The following USHBP1 variants were observed in gnomAD, a reference collection of about 807,000 sequenced individuals.
USHBP1 encodes the protein harmonin-binding protein USHBP1.
USHBP1 carries 67 observed loss-of-function variants against 76.2 expected under a neutral mutation model. The ratio of observed to expected loss-of-function variants is 0.88; its 90% CI spans 0.72 to 1.08. The LOEUF (loss-of-function observed/expected upper bound fraction) is 1.08, where lower values mean the gene tolerates loss of function less well. USHBP1 is among the 50% of genes least tolerant of loss of function. The pLI, the probability that USHBP1 is intolerant of heterozygous loss-of-function variation, is 0.00. For missense variants in USHBP1, 931 were observed against 915.0 expected, an observed-to-expected ratio of 1.02 and a Z score of -0.23; for synonymous variants, 322 against 362.2, an observed-to-expected ratio of 0.89 and a Z score of 1.26.
chr19:17,258,147 GCCCCATC>G (rs2073642995), intron 8 of USHBP1, 58 bp downstream of exon 8: 1 of 1,602,490 alleles, frequency 6.2e-7, no homozygotes, highest in Admixed American at 1.7e-5. Context: ...AGCTCTGGGA[GCCCCATC>G]CCCCAGTCAA....
In USHBP1 at chr19:17,264,021, C is replaced by T; in HGVS notation, c.184G>A (p.Gly62Ser). The change falls in exon 3 of 13, where the codon GGC becomes AGC. Residue 62 changes from glycine (G) to serine (S), a missense_variant. Physicochemically the swap from Gly to Ser is moderately conservative, Grantham distance 56. Transcript: ENST00000252597. ...TCTTACCTGCTTCCTAGGCCTTGGCCACTGACCTCCTCCATGGGGCCCAGC... is the reference window on the plus strand; with the variant it reads ...TCTTACCTGCTTCCTAGGCCTTGGCTACTGACCTCCTCCATGGGGCCCAGC... Reference protein sequence around the residue: ...EQLGPMEEVSGQGLGSRTDKK... With the variant: ...EQLGPMEEVSSQGLGSRTDKK... 1 of 1,602,454 alleles carries T rather than the reference C, an allele frequency of 6.2e-7. No homozygotes were observed. The highest frequency in any genetic ancestry group is 1.1e-5 in the South Asian group (1 of 89,406).
Position 17,251,956 on chromosome 19 carries a change from C to A in USHBP1, c.1754G>T (p.Trp585Leu). ...TTCCTGGGCTAACTTCTCTGGGTCC[C>A]AGGCTCTGCCCACCTGGCCACCATC... ...GIDGGQVGRA[W>L]DPEKLAQELA... is the part of the protein sequence containing the mutation. Residue 585 changes from tryptophan to leucine, a missense_variant, in exon 11 of 13, where the codon TGG becomes TTG. Trp to Leu is a moderately conservative substitution (Grantham distance 61). Transcript: ENST00000252597. The A allele has an allele frequency of 6.5e-7, 1 of 1,548,856 alleles. No homozygotes were observed. The highest frequency in any genetic ancestry group is 2.4e-5 in the East Asian group (1 of 41,036).
intron 4 of USHBP1, among the ~76,000 whole-genome samples, chr19:17,261,212 G>T (rs992791959): frequency 1.3e-5 from 2 of 152,000 alleles, no homozygotes; most frequent in African/African-American, 4.8e-5. Flanking sequence ...CACTCTCCCT[G>T]TTGCCCCCTG....
chr19:17,255,338 C>T (rs754643405), intron 10 of USHBP1, 47 bp downstream of exon 10: 1 of 1,570,252 alleles, frequency 6.4e-7, no homozygotes, highest in Non-Finnish European at 8.7e-7. Context: ...GGGCTATGTT[C>T]TCATTAGTAA....
intron 4 of USHBP1, 139 bp downstream of exon 4, chr19:17,262,413 G>T: frequency 1.0e-6 from 1 of 979,950 alleles, no homozygotes; most frequent in Non-Finnish European, 1.5e-6. Flanking sequence ...CTCCCAAAGT[G>T]CTGGGATTAT....
intron 10 of USHBP1, among the ~76,000 whole-genome samples, chr19:17,252,328 T>G: frequency 6.6e-6 from 1 of 152,008 alleles, no homozygotes; most frequent in Non-Finnish European, 1.5e-5. Context: ...CCCAAGTAGT[T>G]GGGATTACAG....
At chr19:17,261,337 CT>C (rs34111538) in intron 4 of USHBP1, among the ~76,000 whole-genome samples, 121 of 123,894 alleles carry the variant, frequency 9.8e-4, no homozygotes, top group Non-Finnish European at 1.0e-3. Context: ...TTCTTTCTTT[CT>C]TTTTTTTTTT....
chr19:17,259,251 C>A, intron 7 of USHBP1, 38 bp downstream of exon 7: 3 of 1,567,284 alleles, frequency 1.9e-6, no homozygotes, highest in South Asian at 1.2e-5. Context: ...AGCCCACTCC[C>A]TCCCCAGCTG....
intron 10 of USHBP1, among the ~76,000 whole-genome samples, chr19:17,254,892 A>G (rs746818403): frequency 8.3e-4 from 126 of 152,188 alleles, no homozygotes; most frequent in South Asian, 1.2e-3. Context: ...CAGGAGGTCG[A>G]GGACTTTATG....
At chr19:17,257,078 T>C (rs1272330115) in intron 8 of USHBP1, among the ~76,000 whole-genome samples, 1 of 149,290 alleles carries the variant, frequency 6.7e-6, no homozygotes, top group Admixed American at 6.7e-5. Context: ...TGGAGTGCAG[T>C]GGCATAACCT....
At position 17,250,290 on chromosome 19, in the gene USHBP1, C is replaced by T. The variant is rs1471065905; in HGVS notation, c.2047G>A (p.Ala683Thr). The T allele has an allele frequency of 6.2e-7, 1 of 1,613,672 alleles. No individual in the cohort carries two copies. The highest frequency in any genetic ancestry group is 8.5e-7 in the Non-Finnish European group (1 of 1,179,970). The change falls in exon 13 of 13, where the codon GCA becomes ACA. Residue 683 changes from alanine (A) to threonine (T), a missense_variant. Ala to Thr is a moderately conservative substitution (Grantham distance 58). Transcript: ENST00000252597. ...AEEVAVLEAT[A>T]RALGKPRPPL... is the part of the protein sequence containing the mutation. ...GGCCTGGGCTTCCCCAGGGCCCTTGCAGTGGCTTCGAGCACCGCCACCTCC... is the reference window on the plus strand; with the variant it reads ...GGCCTGGGCTTCCCCAGGGCCCTTGTAGTGGCTTCGAGCACCGCCACCTCC...
intron 4 of USHBP1, among the ~76,000 whole-genome samples, chr19:17,262,113 G>A (rs9749201): frequency 0.23 from 34,657 of 150,838 alleles, 4,128 homozygotes; most frequent in East Asian, 0.32. Context: ...TGATTCTCCT[G>A]CTTCAGCCTC....
rs2145577888 is a variant in USHBP1, at chr19:17,251,906, C to CA, written c.1799+4dup. ...CCCCGCACAGCCCAGGACCCAGGCA[C>CA]ACACCTGGTGAGCGATGCTGCCAGT... is the stretch of plus-strand genomic sequence containing the variant. On this transcript the variant is annotated splice_donor_region_variant and intron_variant, in intron 11 of 12. Coordinates refer to ENST00000252597, the MANE Select transcript of USHBP1 (RefSeq NM_031941.4). The CA allele has an allele frequency of 6.5e-7, 1 of 1,538,576 alleles. No individual in the cohort carries two copies. The highest frequency in any genetic ancestry group is 2.4e-5 in the East Asian group (1 of 40,924).
intron 10 of USHBP1, among the ~76,000 whole-genome samples, chr19:17,253,276 C>G (rs73012598): frequency 6.8e-6 from 1 of 146,254 alleles, no homozygotes; most frequent in Non-Finnish European, 1.5e-5. Flanking sequence ...CCATCGTGCC[C>G]GGACAGTAAT....
At chr19:17,253,528 A>T (rs1184683524) in intron 10 of USHBP1, among the ~76,000 whole-genome samples, 5 of 148,652 alleles carry the variant, frequency 3.4e-5, no homozygotes, top group Admixed American at 3.3e-4. Context: ...TGACCTCATG[A>T]TCCACCCGCC....
In USHBP1 at chr19:17,256,329, C is replaced by G. The variant is rs150205081; in HGVS notation, c.1470+142G>C. The stretch of plus-strand genomic sequence containing the variant: ...AGAAAACAAACTCCTATTAATCCCT[C>G]AAAACCCCAGCTCCAATTCTCCCTT... On this transcript the variant is annotated intron_variant, in intron 9 of 12. Transcript: ENST00000252597. The G allele has an allele frequency of 2.1e-3, 2,787 of 1,329,654 alleles. 35 individuals are homozygous for G. The African/African-American group carries it at 0.032, about 15-fold the overall frequency. The allele number at this position is 1,329,654 out of a possible 1,614,324, so 82.4% of individuals were successfully genotyped here.
At chr19:17,252,941 C>A (rs1020046832) in intron 10 of USHBP1, among the ~76,000 whole-genome samples, 6 of 152,008 alleles carry the variant, frequency 3.9e-5, no homozygotes, top group Non-Finnish European at 7.4e-5. Context: ...ACTGGAAGTC[C>A]TTCCTCCTGT....
rs774340435 is a variant in USHBP1 at position 17,262,772 on chromosome 19, G to C, written c.422C>G (p.Pro141Arg). The part of the protein sequence containing the change: ...AAAAAWRHQP[P>R]SHSGPMEFEG... ...GAACTCCATCGGCCCAGAATGGCTG[G>C]GGGGCTGGTGGCGCCAGGCTGCAGC... is the stretch of plus-strand genomic sequence containing the variant. The change falls in exon 4 of 13, where the codon CCC becomes CGC. Residue 141 changes from proline (P) to arginine (R), a missense_variant. Coordinates refer to ENST00000252597, the MANE Select transcript of USHBP1 (RefSeq NM_031941.4). 2.5e-6 allele frequency: 4 copies of C among 1,614,026 alleles called. No homozygotes were observed. The Admixed American group carries it at 6.7e-5, about 27-fold the overall frequency.
At chr19:17,253,325 G>GCTC (rs764277849) in intron 10 of USHBP1, among the ~76,000 whole-genome samples, 10 of 16,904 alleles carry the variant, frequency 5.9e-4, no homozygotes, top group South Asian at 4.5e-3. Context: ...ACGGAGTCTC[G>GCTC]TCGCCCAGGC....
Sources: gnomAD v4.1 joint callset for allele counts (sites outside exome capture counted in the v4.1 genomes callset) on GRCh38, gnomAD v4.1.1 for gene constraint, MANE v1.5 for transcripts, NCBI Gene and HGNC (gene_info 2026-07-23, HGNC 2026-07-21) for gene names.